Variants in TIMM50 observed in about 807,000 individuals in gnomAD.
The protein encoded by TIMM50 is mitochondrial import inner membrane translocase subunit TIM50.
Under a neutral mutation model 49.6 loss-of-function variants are expected in TIMM50, and 34 were observed. The ratio of observed to expected loss-of-function variants is 0.69; its 90% CI spans 0.52 to 0.91. TIMM50 has a LOEUF of 0.91. TIMM50 is among the 40% of genes least tolerant of loss of function. The pLI is 0.00. For missense variants in TIMM50, 458 were observed against 477.8 expected, an observed-to-expected ratio of 0.96 and a Z score of 0.39; for synonymous variants, 199 against 198.4, an observed-to-expected ratio of 1.00 and a Z score of -0.03.
In TIMM50 at chr19:39,481,964, A is replaced by C; in HGVS notation, c.190A>C (p.Lys64Gln). The change falls in exon 2 of 11, where the codon AAA becomes CAA. Residue 64 changes from lysine (K) to glutamine (Q), a missense_variant. Coordinates refer to ENST00000607714, the MANE Select transcript of TIMM50 (RefSeq NM_001001563.5). Reference protein sequence around the residue: ...QPGSEGPSYAKKVALWLAGLL... With the variant: ...QPGSEGPSYAQKVALWLAGLL... ...GGGCTCAGAGGGTCCCAGCTATGCC[A>C]AAAAAGTTGCGCTCTGGCTTGCTGG... is the stretch of plus-strand genomic sequence containing the variant. 1 of 1,614,044 alleles carries C rather than the reference A, an allele frequency of 6.2e-7. No homozygotes were observed. The highest frequency in any genetic ancestry group is 2.2e-5 in the East Asian group (1 of 44,878).
chr19:39,492,888 A>AAAAAAAAAAC lies in TIMM50; in HGVS notation c.*3072_*3073insAAAAACAAAA, dbSNP rs1568445572. ...TCTGTCTCCAAAAAAAAAAAAAAAA[A>AAAAAAAAAAC]AAAACAAAAAAAAAACCAGTTTGAC... On this transcript the variant is annotated 3_prime_UTR_variant, in exon 11 of 11. Transcript: ENST00000607714. 1.4e-5 allele frequency: 2 copies of AAAAAAAAAAC among 145,166 alleles called. No individual in the cohort carries two copies. Among genetic ancestry groups the AAAAAAAAAAC allele is most frequent in the Non-Finnish European group, 3.0e-5 (2 of 67,278 alleles). The allele number at this position is 145,166 out of a possible 1,614,324, so 9.0% of individuals were successfully genotyped here. A position where few individuals can be genotyped will look rare whatever the true frequency, so the allele number is the denominator to read the frequency against.
chr19:39,481,081 T>C (rs774145359), intron 1 of TIMM50, 120 bp downstream of exon 1: 60 of 1,309,256 alleles, frequency 4.6e-5, no homozygotes, highest in Non-Finnish European at 5.9e-5. Flanking sequence ...AAACGCCGCT[T>C]GTGTTTTGGG....
Position 39,485,548 on chromosome 19 carries a change from A to G in TIMM50, c.318A>G (p.Pro106=), listed in dbSNP as rs1179035913. Residue 106 remains proline (P), a synonymous_variant, in exon 5 of 11, where the codon CCA becomes CCG. Transcript: ENST00000607714. ...AKIPDEFDND[P]ILVQQLRRTY... ...TTGTGCCTGGTGTTCTCCTAGATCC[A>G]ATTCTGGTACAGCAGTTGCGCCGGA... 1 of 1,614,152 alleles carries G rather than the reference A, an allele frequency of 6.2e-7. No individual in the cohort carries two copies. Among genetic ancestry groups the G allele is most frequent in the Non-Finnish European group, 8.5e-7 (1 of 1,180,038 alleles).
chr19:39,488,031 ATGT>A, intron 8 of TIMM50, 27 bp from the exon 9 acceptor site: 1 of 1,593,012 alleles, frequency 6.3e-7, no homozygotes, highest in Non-Finnish European at 8.6e-7. Context: ...TTGGGCACAG[ATGT>A]TGACCTGATC....
Position 39,491,416 on chromosome 19 carries a change from C to T in TIMM50, c.*1596C>T, listed in dbSNP as rs2079544647. 1 of 151,978 alleles carries T rather than the reference C, an allele frequency of 6.6e-6. No homozygotes were observed. The highest frequency in any genetic ancestry group is 2.4e-5 in the African/African-American group (1 of 41,414). 9.4% of individuals were successfully genotyped at this position (151,978 alleles called of 1,614,324 possible). On this transcript the variant is annotated 3_prime_UTR_variant, in exon 11 of 11. Transcript: ENST00000607714. The stretch of plus-strand genomic sequence containing the variant: ...ACTCCTGACCTCGTGATCCGCCCGC[C>T]TCGGCCTCCCAAAGTGCTGGGATTG...
chr19:39,481,607 C>T (rs2079472422), intron 1 of TIMM50, among the ~76,000 whole-genome samples: 1 of 152,166 alleles, frequency 6.6e-6, no homozygotes, highest in South Asian at 2.1e-4. Flanking sequence ...CCGTGCTTTG[C>T]TTTTCTGGGC....
Position 39,482,868 on chromosome 19 carries a change from C to T in TIMM50, c.260-17C>T, listed in dbSNP as rs897590107. On this transcript the variant is annotated splice_polypyrimidine_tract_variant and intron_variant, in intron 2 of 10. Coordinates refer to ENST00000607714, the MANE Select transcript of TIMM50 (RefSeq NM_001001563.5). Reference sequence around the variant, plus strand: ...CTGGGCCCTAATTCCTCATATTCATCCTGGTCTCCCTTGCAGGAAACAACC... The same window carrying T: ...CTGGGCCCTAATTCCTCATATTCATTCTGGTCTCCCTTGCAGGAAACAACC... The T allele has an allele frequency of 1.2e-6, 2 of 1,613,940 alleles. No homozygotes were observed. The highest frequency in any genetic ancestry group is 1.1e-5 in the South Asian group (1 of 91,072).
rs2079500454 is a variant in TIMM50, at chr19:39,485,726, C to T, written c.411C>T (p.Asp137=). ...CCACCAGCCCTTGCCTTCTCCCAGA[C>T]CCTCTGCAGGAACCGTACTACCAGC... ...IEPTSPCLLP[D]PLQEPYYQPP... is the part of the protein sequence containing the mutation. Residue 137 remains aspartate (D), a synonymous_variant, in exon 6 of 11, where the codon GAC becomes GAT. Coordinates refer to ENST00000607714, the MANE Select transcript of TIMM50 (RefSeq NM_001001563.5). 1.9e-6 allele frequency: 3 copies of T among 1,614,148 alleles called. No individual in the cohort carries two copies. Among genetic ancestry groups the T allele is most frequent in the African/African-American group, 1.3e-5 (1 of 75,034 alleles).
intron 1 of TIMM50, 105 bp downstream of exon 1, chr19:39,481,066 G>A (rs2079467859): frequency 7.4e-7 from 1 of 1,357,776 alleles, no homozygotes; most frequent in Non-Finnish European, 9.7e-7. Context: ...TCAGGGTGCT[G>A]AATGAAACGC....
rs1487653104 is a variant in TIMM50 at position 39,492,463 on chromosome 19, A to T, written c.*2643A>T. 2 of 152,228 alleles carry T rather than the reference A, an allele frequency of 1.3e-5. No individual in the cohort carries two copies. The highest frequency in any genetic ancestry group is 6.6e-5 in the Admixed American group (1 of 15,264). The allele number at this position is 152,228 out of a possible 1,614,324, so 9.4% of individuals were successfully genotyped here. Reference sequence around the variant, plus strand: ...CTCATCTCTAAAATGGGGTGATGGTAGTATGTTAGCAGAGTGGTTGTGAGG... The same window carrying T: ...CTCATCTCTAAAATGGGGTGATGGTTGTATGTTAGCAGAGTGGTTGTGAGG... On this transcript the variant is annotated 3_prime_UTR_variant, in exon 11 of 11. Coordinates refer to ENST00000607714, the MANE Select transcript of TIMM50 (RefSeq NM_001001563.5).
chr19:39,492,318 G>GC lies in TIMM50; in HGVS notation c.*2498_*2499insC, dbSNP rs368233007. 1 of 69,104 alleles carries GC rather than the reference G, an allele frequency of 1.4e-5. No individual in the cohort carries two copies. Among genetic ancestry groups the GC allele is most frequent in the Non-Finnish European group, 3.4e-5 (1 of 29,050 alleles). The allele number at this position is 69,104 out of a possible 1,614,324, so 4.3% of individuals were successfully genotyped here. On this transcript the variant is annotated 3_prime_UTR_variant, in exon 11 of 11. Coordinates refer to ENST00000607714, the MANE Select transcript of TIMM50 (RefSeq NM_001001563.5). ...AACATGGGAAGAGCCTGTCTCTTGC[G>GC]GGGGGGGGAGAAGAAAGTTCTTGTC...
chr19:39,482,738 C>G (rs1600737671), intron 2 of TIMM50, 147 bp from the exon 3 acceptor site: 13 of 975,160 alleles, frequency 1.3e-5, no homozygotes, highest in Non-Finnish European at 2.0e-5. Context: ...GGAATCTTGG[C>G]TCCCAGCCCC....
intron 4 of TIMM50, 99 bp from the exon 5 acceptor site, chr19:39,485,445 C>T: frequency 7.0e-7 from 1 of 1,437,866 alleles, no homozygotes; most frequent in South Asian, 1.2e-5. Context: ...GGCAGATATG[C>T]AGACCTGTTT....
At chr19:39,488,714 C>A in intron 10 of TIMM50, 69 bp downstream of exon 10, 2 of 1,250,042 alleles carry the variant, frequency 1.6e-6, no homozygotes, top group Non-Finnish European at 2.3e-6. Flanking sequence ...TGGGGCAGTC[C>A]ATCTCCACAC....
intron 1 of TIMM50, 162 bp downstream of exon 1, chr19:39,481,123 C>G: frequency 1.0e-6 from 1 of 968,496 alleles, no homozygotes; most frequent in Non-Finnish European, 1.5e-6. Flanking sequence ...GGTTGCTCCC[C>G]TAGGCTGGAG....
Position 39,488,543 on chromosome 19 carries a change from T to C in TIMM50, c.858T>C (p.Ile286=). The change falls in exon 10 of 11, where the codon ATT becomes ATC. Residue 286 remains isoleucine (I), a synonymous_variant. Coordinates refer to ENST00000607714, the MANE Select transcript of TIMM50 (RefSeq NM_001001563.5). The stretch of plus-strand genomic sequence containing the variant: ...CACCCCCTGTTGTGCCCACAGCCAT[T>C]GCACTGAATGGTGTGGAGGACGTGC... The part of the protein sequence containing the change: ...LLDLSAFLKT[I]ALNGVEDVRT... 6.2e-7 allele frequency: 1 copy of C among 1,612,526 alleles called. No homozygotes were observed. Among genetic ancestry groups the C allele is most frequent in the Non-Finnish European group, 8.5e-7 (1 of 1,179,792 alleles).
chr19:39,486,718 A>G (rs770999812), intron 8 of TIMM50, among the ~76,000 whole-genome samples: 1 of 152,168 alleles, frequency 6.6e-6, no homozygotes, highest in African/African-American at 2.4e-5. Flanking sequence ...GGGTCTCTCT[A>G]AAGAAGACAG....
In TIMM50 at chr19:39,480,862, C is replaced by T. The variant is rs921384368; in HGVS notation, c.9C>T (p.Ala3=). The change falls in exon 1 of 11, where the codon GCC becomes GCT. Residue 3 remains alanine, a synonymous_variant. Coordinates refer to ENST00000607714, the MANE Select transcript of TIMM50 (RefSeq NM_001001563.5). MA[A]SAAVFSRLRS... ...CGTGGCGTCAGCGCAAGATGGCGGC[C>T]TCGGCAGCGGTGTTCTCGCGCTTGC... is the stretch of plus-strand genomic sequence containing the variant. 2.5e-6 allele frequency: 4 copies of T among 1,598,104 alleles called. No individual in the cohort carries two copies. The highest frequency in any genetic ancestry group is 4.5e-5 in the East Asian group (2 of 44,302).
At position 39,485,926 on chromosome 19, in the gene TIMM50, G is replaced by T. The variant is rs983757610; in HGVS notation, c.492+119G>T. 3.5e-6 allele frequency: 5 copies of T among 1,436,468 alleles called. No individual in the cohort carries two copies. In the African/African-American group the frequency reaches 5.6e-5, roughly 16 times the overall value. 89.0% of individuals were successfully genotyped at this position (1,436,468 alleles called of 1,614,324 possible). On this transcript the variant is annotated intron_variant, in intron 6 of 10. Transcript: ENST00000607714. ...TGGGGAGGAGATGTCACCTGTCATT[G>T]CCTCGCTTTCTTCAGCTGGGAGAAG... is the stretch of plus-strand genomic sequence containing the variant.
Sources: allele counts gnomAD v4.1 joint callset (sites outside exome capture counted in the v4.1 genomes callset), GRCh38; gene constraint gnomAD v4.1.1; transcripts MANE v1.5; gene names NCBI Gene and HGNC (gene_info 2026-07-23, HGNC 2026-07-21).